SLC25A33: variants seen among roughly 807,000 people sequenced by gnomAD.
SLC25A33 encodes solute carrier family 25 member 33.
SLC25A33 carries 15 observed loss-of-function variants against 35.5 expected under a neutral mutation model. The observed-to-expected ratio is 0.42, with a 90% CI of 0.28 to 0.65. SLC25A33 has a LOEUF of 0.65. Among genes scored for constraint, SLC25A33 ranks in the 30% least tolerant of loss-of-function variants. SLC25A33 has a pLI of 0.20. For missense variants in SLC25A33, 257 were observed against 398.5 expected, an observed-to-expected ratio of 0.64 and a Z score of 3.02; for synonymous variants, 136 against 148.7, an observed-to-expected ratio of 0.91 and a Z score of 0.62.
chr1:9,553,700 T>G lies in SLC25A33; in HGVS notation c.131T>G (p.Leu44Ter). 6.2e-7 allele frequency: 1 copy of G among 1,614,202 alleles called. No homozygotes were observed. The highest frequency in any genetic ancestry group is 1.1e-5 in the South Asian group (1 of 91,086). ...VIKTRLQSSRLALRTVYYPQV... is the reference protein window; with the variant it reads ...VIKTRLQSSR Reference sequence around the variant, plus strand: ...AAGACACGGTTGCAGTCTTCAAGATTAGCTCTCCGGACAGTCTACTATCCT... The same window carrying G: ...AAGACACGGTTGCAGTCTTCAAGATGAGCTCTCCGGACAGTCTACTATCCT... Residue 44 changes from leucine (L) to a stop codon, truncating the protein, a stop_gained, in exon 2 of 7, where the codon TTA becomes TGA. Coordinates refer to ENST00000302692, the MANE Select transcript of SLC25A33 (RefSeq NM_032315.3). LOFTEE classifies it high-confidence loss of function.
At chr1:9,558,536 T>G (rs866871680) in intron 2 of SLC25A33, among the ~76,000 whole-genome samples, 1 of 152,180 alleles carries the variant, frequency 6.6e-6, no homozygotes. Flanking sequence ...AAGAGTAACA[T>G]GAGCAAAACA....
At chr1:9,548,455 G>A (rs1385208532) in intron 1 of SLC25A33, among the ~76,000 whole-genome samples, 6 of 152,048 alleles carry the variant, frequency 3.9e-5, no homozygotes, top group African/African-American at 7.2e-5. Context: ...GGTGGCACAC[G>A]CCTGTAATCC....
At chr1:9,542,670 C>T (rs1052571281) in intron 1 of SLC25A33, among the ~76,000 whole-genome samples, 1 of 152,120 alleles carries the variant, frequency 6.6e-6, no homozygotes, top group Non-Finnish European at 1.5e-5. Context: ...AAGTGCACTT[C>T]CTTTGAAAAG....
In SLC25A33 at chr1:9,582,272, G is replaced by A. The variant is rs777367751; in HGVS notation, c.764-27G>A. The A allele has an allele frequency of 5.6e-5, 90 of 1,611,318 alleles. No homozygotes were observed. In the East Asian group the frequency reaches 7.8e-4, roughly 14 times the overall value. ...ATTCGTTCCCCATTTAATATGTGGC[G>A]TAAAGTAGGTCTTTCTCTCTCTGCA... On this transcript the variant is annotated intron_variant, in intron 6 of 6. Transcript: ENST00000302692. The surrounding 1 kb of genome is among the most constrained non-coding windows in gnomAD (Gnocchi z 4.0).
chr1:9,539,487 G>C lies in SLC25A33; in HGVS notation c.-205G>C. 1 of 203,948 alleles carries C rather than the reference G, an allele frequency of 4.9e-6. No individual in the cohort carries two copies. The highest frequency in any genetic ancestry group is 9.5e-6 in the Non-Finnish European group (1 of 105,480). The allele number at this position is 203,948 out of a possible 1,614,324, so 12.6% of individuals were successfully genotyped here. A position where few individuals can be genotyped will look rare whatever the true frequency, so the allele number is the denominator to read the frequency against. ...TCTAGCTCCCCGCCGGGCTCGCGCC[G>C]CAGAGGCCGGTGAGGCGCCGGCGGC... On this transcript the variant is annotated 5_prime_UTR_variant, in exon 1 of 7. Coordinates refer to ENST00000302692, the MANE Select transcript of SLC25A33 (RefSeq NM_032315.3).
intron 1 of SLC25A33, among the ~76,000 whole-genome samples, chr1:9,548,032 G>A (rs1187803280): frequency 2.0e-5 from 3 of 151,800 alleles, no homozygotes; most frequent in African/African-American, 4.8e-5. Flanking sequence ...GCACCACCAC[G>A]CCTGGCTAAT....
At chr1:9,564,725 T>TAAAAAAAAA (rs1553146726) in intron 2 of SLC25A33, among the ~76,000 whole-genome samples, 20 of 94,480 alleles carry the variant, frequency 2.1e-4, no homozygotes, top group African/African-American at 9.5e-4. Context: ...CGTCTCTATT[T>TAAAAAAAAA]AAAAAAAAAA....
intron 2 of SLC25A33, among the ~76,000 whole-genome samples, chr1:9,561,161 A>T (rs6419477): frequency 0.98 from 148,979 of 152,228 alleles, 72,923 homozygotes; most frequent in East Asian, 1. Flanking sequence ...GCCAGGATGG[A>T]CTCCATCTCC....
At chr1:9,563,171 G>A (rs998906196) in intron 2 of SLC25A33, among the ~76,000 whole-genome samples, 1 of 152,006 alleles carries the variant, frequency 6.6e-6, no homozygotes, top group South Asian at 2.1e-4. Context: ...TGATCCGCCC[G>A]CCTCGGCCTC....
intron 2 of SLC25A33, among the ~76,000 whole-genome samples, chr1:9,560,550 C>G (rs1643409014): frequency 6.6e-6 from 1 of 151,736 alleles, no homozygotes; most frequent in Admixed American, 6.6e-5. Context: ...GGTAACAGAG[C>G]AAGACTCCAT....
chr1:9,551,858 A>T (rs1191666717), intron 1 of SLC25A33, among the ~76,000 whole-genome samples: 1 of 152,208 alleles, frequency 6.6e-6, no homozygotes, highest in African/African-American at 2.4e-5. Context: ...GGAACTCATC[A>T]GATTATAGAG....
At position 9,582,209 on chromosome 1, in the gene SLC25A33, C is replaced by T. The variant is rs1397398085; in HGVS notation, c.764-90C>T. ...GATTACAGGTGTGAGCCACCGCACC[C>T]GGCCTAACCTTGACAGTTTTAAAGT... On this transcript the variant is annotated intron_variant, in intron 6 of 6. Transcript: ENST00000302692. This position sits in a 1 kb window ranked among gnomAD's most constrained non-coding sequence, Gnocchi z 4.0. The T allele has an allele frequency of 2.1e-5, 30 of 1,440,858 alleles. No individual in the cohort carries two copies. The highest frequency in any genetic ancestry group is 2.4e-5 in the Non-Finnish European group (25 of 1,031,880). The allele number at this position is 1,440,858 out of a possible 1,614,324, so 89.3% of individuals were successfully genotyped here.
chr1:9,558,132 A>G (rs1643371843), intron 2 of SLC25A33, among the ~76,000 whole-genome samples: 1 of 152,226 alleles, frequency 6.6e-6, no homozygotes, highest in African/African-American at 2.4e-5. Flanking sequence ...ACATGCCCAA[A>G]GTCATGTTCA....
intron 1 of SLC25A33, among the ~76,000 whole-genome samples, chr1:9,553,094 G>A (rs1454670485): frequency 1.4e-5 from 2 of 147,184 alleles, no homozygotes; most frequent in African/African-American, 2.5e-5. Flanking sequence ...GTTTTGCCTT[G>A]TTGGCCTGGC....
intron 1 of SLC25A33, among the ~76,000 whole-genome samples, chr1:9,542,359 C>G (rs1368136970): frequency 3.3e-5 from 5 of 152,088 alleles, no homozygotes; most frequent in Non-Finnish European, 7.4e-5. Flanking sequence ...GCGCCTGAAG[C>G]CATTGTATTT....
At chr1:9,559,958 A>G (rs759261468) in intron 2 of SLC25A33, among the ~76,000 whole-genome samples, 54 of 152,174 alleles carry the variant, frequency 3.5e-4, no homozygotes, top group Non-Finnish European at 5.6e-4. Flanking sequence ...TTGTTATTCA[A>G]AAACCATACA....
chr1:9,579,898 C>G, intron 5 of SLC25A33, 56 bp from the exon 6 acceptor site: 1 of 1,561,656 alleles, frequency 6.4e-7, no homozygotes, highest in Non-Finnish European at 8.7e-7. Context: ...TGTGTGATGT[C>G]TGTGTTCCAC....
chr1:9,576,775 T>C, intron 5 of SLC25A33: 1 of 1,141,828 alleles, frequency 8.8e-7, no homozygotes, highest in South Asian at 1.2e-5. Context: ...GGATGAAAAA[T>C]ACACCCGCAG....
intron 2 of SLC25A33, among the ~76,000 whole-genome samples, chr1:9,558,378 C>G (rs1643375419): frequency 1.3e-5 from 2 of 152,220 alleles, no homozygotes; most frequent in African/African-American, 4.8e-5. Flanking sequence ...GGCCCAGACC[C>G]TGGCCTTCTC....
Sources: allele counts gnomAD v4.1 joint callset (sites outside exome capture counted in the v4.1 genomes callset), GRCh38; gene constraint gnomAD v4.1.1; non-coding constraint Gnocchi (gnomAD v3.1); transcripts MANE v1.5; gene names NCBI Gene and HGNC (gene_info 2026-07-23, HGNC 2026-07-21).